FNDC3A: variants seen among roughly 807,000 people sequenced by gnomAD.
The protein encoded by FNDC3A is fibronectin type-III domain-containing protein 3A.
Under a neutral mutation model 148.9 loss-of-function variants are expected in FNDC3A, and 32 were observed. That is an observed-to-expected ratio of 0.21 (90% CI 0.16 to 0.29). The LOEUF is 0.29. FNDC3A is among the 10% of genes least tolerant of loss of function. The pLI is 1.00. For synonymous variants in FNDC3A, 472 were observed against 473.6 expected (o/e 1.00, Z 0.04); for missense variants, 1,191 against 1,452.8 (o/e 0.82, Z 2.93).
At chr13:49,023,500 TTAAAA>T (rs1206599007) in intron 2 of FNDC3A, among the ~76,000 whole-genome samples, 5 of 151,680 alleles carry the variant, frequency 3.3e-5, no homozygotes, top group Non-Finnish European at 4.4e-5. Context: ...CATCAAACTC[TTAAAA>T]TAAACATCTT....
chr13:49,139,072 CACAA>C (rs921587274), intron 7 of FNDC3A, among the ~76,000 whole-genome samples: 39 of 152,172 alleles, frequency 2.6e-4, no homozygotes, highest in African/African-American at 9.4e-4. Context: ...AAAACAAATG[CACAA>C]ACAGAATTCT....
At chr13:48,997,011 G>A (rs550425182) in intron 1 of FNDC3A, among the ~76,000 whole-genome samples, 11 of 151,816 alleles carry the variant, frequency 7.2e-5, no homozygotes, top group Admixed American at 2.0e-4. Context: ...TGCAGCGGGC[G>A]GAGATCGCAC....
rs549240449 is a variant in FNDC3A at position 49,201,277 on chromosome 13, T to TA, written c.2988-516dup. The stretch of plus-strand genomic sequence containing the variant: ...TTATCATACTGCTTTTGTAAATCTC[T>TA]AAAAAAACGTCACCAAGTCAACTAA... On this transcript the variant is annotated intron_variant, in intron 23 of 25. Coordinates refer to ENST00000492622, the MANE Select transcript of FNDC3A (RefSeq NM_001079673.2). 155 of 163,740 alleles carry TA rather than the reference T, an allele frequency of 9.5e-4. 2 individuals are homozygous for TA. Among genetic ancestry groups the TA allele is most frequent in the African/African-American group, 3.1e-3 (128 of 41,762 alleles). The allele number at this position is 163,740 out of a possible 1,614,324, so 10.1% of individuals were successfully genotyped here.
chr13:49,178,568 G>A lies in FNDC3A; in HGVS notation c.1531G>A (p.Gly511Arg). Residue 511 changes from glycine (G) to arginine (R), a missense_variant and splice_region_variant, in exon 14 of 26, where the codon GGA becomes AGA. By Grantham distance (125) the Gly-to-Arg change is moderately radical. This residue lies in a region of FNDC3A where 751 missense variants were observed against 944.0 expected (regional missense o/e 0.80). Coordinates refer to ENST00000492622, the MANE Select transcript of FNDC3A (RefSeq NM_001079673.2). Reference protein sequence around the residue: ...YILEMEEETSGYGFKPKYDGE... With the variant: ...YILEMEEETSRYGFKPKYDGE... ...AAGACTTTGTTTTTTCCTTTTCCAG[G>A]GATATGGTTTTAAGCCTAAATATGA... The A allele has an allele frequency of 6.3e-7, 1 of 1,582,680 alleles. No individual in the cohort carries two copies. Among genetic ancestry groups the A allele is most frequent in the Non-Finnish European group, 8.6e-7 (1 of 1,158,886 alleles).
chr13:49,163,376 G>A (rs1432057207), intron 8 of FNDC3A, among the ~76,000 whole-genome samples: 5 of 152,194 alleles, frequency 3.3e-5, no homozygotes, highest in African/African-American at 1.2e-4. Context: ...CCACCTGGCA[G>A]TTCGATCTCA....
intron 2 of FNDC3A, among the ~76,000 whole-genome samples, chr13:49,041,807 CTG>C: frequency 7.1e-6 from 1 of 141,570 alleles, no homozygotes; most frequent in South Asian, 2.2e-4. Flanking sequence ...AAGCGAGACT[CTG>C]TCTCAAAAAA....
At chr13:49,053,918 A>G (rs536586000) in intron 2 of FNDC3A, among the ~76,000 whole-genome samples, 1 of 152,306 alleles carries the variant, frequency 6.6e-6, no homozygotes, top group South Asian at 2.1e-4. Flanking sequence ...AGAGAAACAT[A>G]TTTTGAGGTA....
intron 1 of FNDC3A, among the ~76,000 whole-genome samples, chr13:48,990,701 G>A (rs949882231): frequency 6.6e-6 from 1 of 151,778 alleles, no homozygotes; most frequent in African/African-American, 2.4e-5. Context: ...GGCGGAGATT[G>A]CAGTGAGCTG....
chr13:49,125,309 A>G (rs746685258), intron 4 of FNDC3A, among the ~76,000 whole-genome samples: 1 of 152,168 alleles, frequency 6.6e-6, no homozygotes, highest in Non-Finnish European at 1.5e-5. Context: ...AGAGATTTAT[A>G]TGAGAATGAA....
chr13:49,041,858 C>T (rs1386834560), intron 2 of FNDC3A, among the ~76,000 whole-genome samples: 4 of 150,878 alleles, frequency 2.7e-5, no homozygotes, highest in African/African-American at 9.7e-5. Context: ...CTATTATCAG[C>T]CAGGCTCTAA....
chr13:49,036,044 A>G (rs749072235), intron 2 of FNDC3A, among the ~76,000 whole-genome samples: 1 of 152,172 alleles, frequency 6.6e-6, no homozygotes. Context: ...CATATGATCA[A>G]GTTAATTTAA....
Position 49,105,039 on chromosome 13 carries a change from C to T in FNDC3A, c.176-9616C>T, listed in dbSNP as rs150871669. On this transcript the variant is annotated intron_variant, in intron 3 of 25. Transcript: ENST00000492622. ...AGAGTATATTTGCAACCAATGTAAC[C>T]GTAAGGAATTAGTATCCAGAATACA... Among the ~76,000 whole-genome samples, 6 of 152,006 alleles carry T rather than the reference C, an allele frequency of 3.9e-5. No homozygotes were observed. The East Asian group carries it at 5.8e-4, about 15-fold the overall frequency.
intron 2 of FNDC3A, among the ~76,000 whole-genome samples, chr13:49,052,666 G>A (rs1875926293): frequency 6.6e-6 from 1 of 152,180 alleles, no homozygotes; most frequent in African/African-American, 2.4e-5. Flanking sequence ...CAGCCAGGAG[G>A]TGGCACTTTC....
intron 1 of FNDC3A, among the ~76,000 whole-genome samples, chr13:49,001,013 T>C (rs1437892814): frequency 1.3e-5 from 2 of 151,798 alleles, no homozygotes; most frequent in Non-Finnish European, 2.9e-5. Context: ...ACCTATAAGA[T>C]TATATTGTCT....
intron 14 of FNDC3A, among the ~76,000 whole-genome samples, chr13:49,180,963 C>A (rs934995458): frequency 6.6e-6 from 1 of 152,104 alleles, no homozygotes; most frequent in Admixed American, 6.6e-5. Context: ...TTGTAATAAT[C>A]CCAACACTTT....
At chr13:48,987,676 G>A (rs1168944836) in intron 1 of FNDC3A, among the ~76,000 whole-genome samples, 1 of 152,126 alleles carries the variant, frequency 6.6e-6, no homozygotes, top group Admixed American at 6.6e-5. Context: ...AGATAAATAA[G>A]TTACAGTAAA....
At chr13:49,165,103 T>A (rs1336694727) in intron 8 of FNDC3A, among the ~76,000 whole-genome samples, 1 of 152,232 alleles carries the variant, frequency 6.6e-6, no homozygotes, top group Non-Finnish European at 1.5e-5. Flanking sequence ...TTCTGTTTTT[T>A]CTTATATTTG....
intron 8 of FNDC3A, among the ~76,000 whole-genome samples, chr13:49,159,534 T>A (rs569124100): frequency 1.6e-4 from 24 of 152,314 alleles, no homozygotes; most frequent in African/African-American, 5.8e-4. Context: ...ACACTGGGGT[T>A]TTCTAAATAT....
chr13:48,975,338 A>C (rs1344877888), upstream of FNDC3A: 1 of 152,192 alleles, frequency 6.6e-6, no homozygotes, highest in African/African-American at 2.4e-5. Context: ...GTGGTTTTCC[A>C]CGCGATTTGG....
Sources: gnomAD v4.1 joint callset for allele counts (sites outside exome capture counted in the v4.1 genomes callset) on GRCh38, gnomAD v4.1.1 for gene constraint, gnomAD v4.1.1 regional missense constraint, MANE v1.5 for transcripts, NCBI Gene and HGNC (gene_info 2026-07-23, HGNC 2026-07-21) for gene names.